Variants in GRID2 observed in about 807,000 individuals in gnomAD.
The protein encoded by GRID2 is glutamate receptor ionotropic, delta-2.
In GRID2, 33 loss-of-function variants were observed where a neutral mutation model predicts 114.8. The ratio of observed to expected loss-of-function variants is 0.29; its 90% confidence interval spans 0.22 to 0.38. The LOEUF (loss-of-function observed/expected upper bound fraction) is 0.38. Among genes scored for constraint, GRID2 ranks in the 10% least tolerant of loss-of-function variants. The pLI is 1.00. For synonymous variants in GRID2, 505 were observed against 449.9 expected (o/e 1.12, Z -1.55); for missense variants, 1,184 against 1,257.7 (o/e 0.94, Z 0.89).
intron 14 of GRID2, among the ~76,000 whole-genome samples, chr4:93,728,474 T>C (rs563235691): frequency 1.3e-5 from 2 of 152,208 alleles, no homozygotes; most frequent in East Asian, 3.9e-4. Context: ...TGATTTGGGG[T>C]GGAGAGTTCT....
chr4:93,633,021 C>G (rs937732757), intron 14 of GRID2, among the ~76,000 whole-genome samples: 3 of 151,792 alleles, frequency 2.0e-5, no homozygotes, highest in Non-Finnish European at 4.4e-5. Context: ...CTCTGTTTGT[C>G]TTTTACTGGT....
intron 1 of GRID2, among the ~76,000 whole-genome samples, chr4:92,328,063 A>T (rs796424644): frequency 6.6e-6 from 1 of 152,046 alleles, no homozygotes; most frequent in African/African-American, 2.4e-5. Context: ...CATTCATTTG[A>T]AAAGGGGCTA....
intron 8 of GRID2, among the ~76,000 whole-genome samples, chr4:93,381,148 G>A (rs1167826261): frequency 2.6e-5 from 4 of 151,906 alleles, no homozygotes; most frequent in Non-Finnish European, 5.9e-5. Context: ...ATATTCCTTT[G>A]CATCCATCAT....
chr4:92,428,403 AACTTC>A lies in GRID2; in HGVS notation c.88+123660_88+123664del, dbSNP rs1732263671. Reference sequence around the variant, plus strand: ...TCTTTTGTTTTCTTTTTTCTCTCTTAACTTCTGATATTTCCTTCGGTAATCCTGTT... The same window carrying A: ...TCTTTTGTTTTCTTTTTTCTCTCTTATGATATTTCCTTCGGTAATCCTGTT... On this transcript the variant is annotated intron_variant, in intron 1 of 15. Coordinates refer to ENST00000282020, the MANE Select transcript of GRID2 (RefSeq NM_001510.4). Among the ~76,000 whole-genome samples the A allele has an allele frequency of 3.9e-5, 6 of 152,056 alleles. No homozygotes were observed. The South Asian group carries it at 1.2e-3, about 32-fold the overall frequency.
chr4:92,725,730 A>T (rs1736036240), intron 2 of GRID2, among the ~76,000 whole-genome samples: 1 of 152,174 alleles, frequency 6.6e-6, no homozygotes, highest in African/African-American at 2.4e-5. Context: ...TTCTGAACAA[A>T]GTGAGTTCAT....
chr4:93,534,512 T>C (rs1731830631), intron 13 of GRID2, among the ~76,000 whole-genome samples: 1 of 152,148 alleles, frequency 6.6e-6, no homozygotes, highest in Admixed American at 6.6e-5. Flanking sequence ...ATGTAAACTT[T>C]ATGAGGGCAA....
At chr4:93,533,895 C>G (rs1340282522) in intron 13 of GRID2, among the ~76,000 whole-genome samples, 2 of 152,018 alleles carry the variant, frequency 1.3e-5, no homozygotes, top group Non-Finnish European at 2.9e-5. Flanking sequence ...TGTTCATTGG[C>G]TCCCCACTCC....
chr4:93,061,180 T>C (rs1006198484), intron 2 of GRID2, among the ~76,000 whole-genome samples: 1 of 143,778 alleles, frequency 7.0e-6, no homozygotes, highest in Non-Finnish European at 1.5e-5. Flanking sequence ...TTTTATATAT[T>C]CATCAGGTTT....
chr4:92,944,385 A>G (rs1425517466), intron 2 of GRID2, among the ~76,000 whole-genome samples: 3 of 152,228 alleles, frequency 2.0e-5, no homozygotes, highest in South Asian at 2.1e-4. Flanking sequence ...GGTGCTGGAT[A>G]TAATCTCCTG....
In GRID2 at chr4:93,206,662, C is replaced by T. The variant is rs75778478; in HGVS notation, c.736-742C>T. Among the ~76,000 whole-genome samples, 83 of 150,892 alleles carry T rather than the reference C, an allele frequency of 5.5e-4. No homozygotes were observed. The East Asian group carries it at 0.014, about 25-fold the overall frequency. On this transcript the variant is annotated intron_variant, in intron 4 of 15. Transcript: ENST00000282020. ...CACATCTGAGGCTTACTTCTTTGGC[C>T]TAAGCCAAGAATCATTTAGAATAAA...
chr4:92,745,590 A>G (rs138277780), intron 2 of GRID2, among the ~76,000 whole-genome samples: 2 of 152,294 alleles, frequency 1.3e-5, no homozygotes, highest in East Asian at 3.9e-4. Context: ...ATGTGAGGTC[A>G]TTGTATTCTT....
chr4:93,221,330 A>G (rs1744848168), intron 6 of GRID2, among the ~76,000 whole-genome samples: 1 of 152,172 alleles, frequency 6.6e-6, no homozygotes, highest in Non-Finnish European at 1.5e-5. Flanking sequence ...AAAGAAAGAT[A>G]TCTCAAAGCA....
At chr4:92,911,114 T>C (rs1748344408) in intron 2 of GRID2, among the ~76,000 whole-genome samples, 2 of 152,094 alleles carry the variant, frequency 1.3e-5, no homozygotes, top group Non-Finnish European at 2.9e-5. Context: ...TTTTCATTAT[T>C]GGATTGATTC....
At chr4:92,650,812 G>T (rs967403074) in intron 2 of GRID2, among the ~76,000 whole-genome samples, 1 of 151,806 alleles carries the variant, frequency 6.6e-6, no homozygotes, top group Non-Finnish European at 1.5e-5. Flanking sequence ...CATAAATCCT[G>T]GCTATCAGAG....
intron 2 of GRID2, among the ~76,000 whole-genome samples, chr4:93,080,572 C>T (rs1729769117): frequency 6.6e-6 from 1 of 152,074 alleles, no homozygotes; most frequent in Non-Finnish European, 1.5e-5. Flanking sequence ...TAGACTTAGT[C>T]ATCTCTCTCT....
intron 6 of GRID2, among the ~76,000 whole-genome samples, chr4:93,223,149 A>G (rs1745089706): frequency 2.0e-5 from 3 of 152,034 alleles, no homozygotes; most frequent in Admixed American, 2.0e-4. Context: ...ATGTTGATTC[A>G]TGGACTAGTT....
chr4:93,755,560 G>A (rs528938396), intron 14 of GRID2, among the ~76,000 whole-genome samples: 1 of 152,092 alleles, frequency 6.6e-6, no homozygotes, highest in Non-Finnish European at 1.5e-5. Context: ...AATCCAGGTA[G>A]TCTATTTAAA....
At chr4:92,569,236 T>C (rs115328878) in intron 1 of GRID2, among the ~76,000 whole-genome samples, 2,177 of 152,094 alleles carry the variant, frequency 0.014, 47 homozygotes, top group African/African-American at 0.05. Flanking sequence ...GGTTCTCTGT[T>C]CCTGAATTAG....
At chr4:93,471,684 T>C (rs1167888036) in intron 11 of GRID2, among the ~76,000 whole-genome samples, 10 of 149,306 alleles carry the variant, frequency 6.7e-5, no homozygotes, top group Middle Eastern at 3.2e-3. Context: ...TTGTTATTTC[T>C]TCTCCTGAAT....
Sources: allele counts gnomAD v4.1 joint callset (sites outside exome capture counted in the v4.1 genomes callset), GRCh38; gene constraint gnomAD v4.1.1; transcripts MANE v1.5; gene names NCBI Gene and HGNC (gene_info 2026-07-23, HGNC 2026-07-21).